Variants in CENPO observed in about 807,000 individuals in gnomAD.
CENPO encodes centromeric protein O.
Under a neutral mutation model 36.1 loss-of-function variants are expected in CENPO, and 30 were observed. That is an observed-to-expected ratio of 0.83 (90% CI 0.62 to 1.13). CENPO has a LOEUF of 1.13. CENPO is among the 50% of genes most tolerant of loss of function. The pLI is 0.00. For synonymous variants in CENPO, 171 were observed against 142.3 expected (o/e 1.20, Z -1.44); for missense variants, 349 against 357.8 (o/e 0.98, Z 0.20).
At chr2:24,818,138 T>G (rs74639823) in intron 7 of CENPO, among the ~76,000 whole-genome samples, 8,308 of 114,100 alleles carry the variant, frequency 0.073, 303 homozygotes, top group Non-Finnish European at 0.095. Flanking sequence ...TGGAAAAATA[T>G]CAAATTATTG....
chr2:24,808,488 C>T (rs764014021), intron 3 of CENPO, among the ~76,000 whole-genome samples: 40 of 152,236 alleles, frequency 2.6e-4, no homozygotes, highest in African/African-American at 8.2e-4. Flanking sequence ...AGGCGTGAGC[C>T]GCCGTGCCTG....
chr2:24,799,827 C>T lies in CENPO; in HGVS notation c.199C>T (p.Arg67Trp), dbSNP rs752482259. ...RLRDELRAVV[R>W]HRRASVKACI... is the part of the protein sequence containing the mutation. ...GCGAGATGAGCTGAGGGCTGTGGTGCGGCACCGGCGAGCCAGCGTGAGTAG... is the reference window on the plus strand; with the variant it reads ...GCGAGATGAGCTGAGGGCTGTGGTGTGGCACCGGCGAGCCAGCGTGAGTAG... The change falls in exon 3 of 8, where the codon CGG (arginine) becomes TGG (tryptophan). Residue 67 changes from arginine to tryptophan, a missense_variant. Arg to Trp is a moderately radical substitution (Grantham distance 101). Transcript: ENST00000380834. 32 of 1,612,990 alleles carry T rather than the reference C, an allele frequency of 2.0e-5. No homozygotes were observed. The highest frequency in any genetic ancestry group is 4.0e-5 in the African/African-American group (3 of 74,876).
At chr2:24,810,664 T>G (rs1451909253) in intron 3 of CENPO, among the ~76,000 whole-genome samples, 1 of 151,830 alleles carries the variant, frequency 6.6e-6, no homozygotes, top group Non-Finnish European at 1.5e-5. Context: ...CTCGCCACCA[T>G]GCTCAGCTAA....
chr2:24,817,216 C>T (rs752942026), intron 6 of CENPO, among the ~76,000 whole-genome samples: 2 of 152,224 alleles, frequency 1.3e-5, no homozygotes, highest in Admixed American at 6.5e-5. Context: ...ACACTTACTC[C>T]TCCCTACGGA....
chr2:24,802,909 G>T (rs200844329), intron 3 of CENPO, among the ~76,000 whole-genome samples: 12 of 150,984 alleles, frequency 7.9e-5, no homozygotes, highest in African/African-American at 9.8e-5. Context: ...AATGGTACCA[G>T]CTCCTCCTTG....
rs895749670 is a variant in CENPO at position 24,821,076 on chromosome 2, C to T, written c.*1758C>T. On this transcript the variant is annotated 3_prime_UTR_variant, in exon 8 of 8. Transcript: ENST00000380834. ...CCCCCCCATATGCAGATTTACTCGG[C>T]ATGGTAGTGGCCAGCTTCTAACACA... is the stretch of plus-strand genomic sequence containing the variant. 1.4e-5 allele frequency: 8 copies of T among 581,554 alleles called. No homozygotes were observed. Among genetic ancestry groups the T allele is most frequent in the Admixed American group, 3.3e-5 (1 of 30,020 alleles). 36.0% of individuals were successfully genotyped at this position (581,554 alleles called of 1,614,324 possible). A position where few individuals can be genotyped will look rare whatever the true frequency, so the allele number is the denominator to read the frequency against.
chr2:24,807,655 A>G (rs1490966512), intron 3 of CENPO, among the ~76,000 whole-genome samples: 1 of 152,234 alleles, frequency 6.6e-6, no homozygotes, highest in Non-Finnish European at 1.5e-5. Context: ...TATTGGGTAT[A>G]TGCCTAGTAG....
intron 3 of CENPO, among the ~76,000 whole-genome samples, chr2:24,813,436 G>T (rs570079512): frequency 8.5e-5 from 13 of 152,082 alleles, no homozygotes; most frequent in Admixed American, 7.9e-4. Flanking sequence ...GAAAGTTTGG[G>T]AGTGTGTTGG....
chr2:24,795,656 T>C (rs1298773336), intron 2 of CENPO, among the ~76,000 whole-genome samples: 5 of 152,336 alleles, frequency 3.3e-5, no homozygotes, highest in African/African-American at 1.2e-4. Context: ...TATTGATATC[T>C]ACTGTTTTAG....
intron 3 of CENPO, among the ~76,000 whole-genome samples, chr2:24,810,990 C>T (rs1009851914): frequency 1.3e-5 from 2 of 151,982 alleles, no homozygotes; most frequent in Non-Finnish European, 2.9e-5. Context: ...GTCGCCCAGG[C>T]TGGAGTGCAG....
intron 2 of CENPO, among the ~76,000 whole-genome samples, chr2:24,794,825 C>T (rs1031511199): frequency 1.3e-5 from 2 of 152,168 alleles, no homozygotes; most frequent in African/African-American, 4.8e-5. Context: ...AAGCCTGATG[C>T]CTAAATCCAA....
At position 24,819,981 on chromosome 2, in the gene CENPO, G is replaced by C. The variant is rs759492188; in HGVS notation, c.*663G>C. On this transcript the variant is annotated 3_prime_UTR_variant, in exon 8 of 8. Transcript: ENST00000380834. ...GGGCAGTGTGACAGAGGGGCCATTG[G>C]GGAAGGTGGCTAGCTTATCCCGCCC... 3 of 1,613,734 alleles carry C rather than the reference G, an allele frequency of 1.9e-6. No homozygotes were observed. In the South Asian group the frequency reaches 3.3e-5, roughly 18 times the overall value.
intron 5 of CENPO, chr2:24,816,111 T>A (rs140822897): frequency 3.3e-4 from 86 of 263,998 alleles, no homozygotes; most frequent in African/African-American, 1.7e-3. Context: ...TGGGTATAGA[T>A]CTCATTAGAG....
chr2:24,806,042 C>G (rs1331347151), intron 3 of CENPO, among the ~76,000 whole-genome samples: 2 of 152,218 alleles, frequency 1.3e-5, no homozygotes, highest in African/African-American at 4.8e-5. Context: ...CCTCCCCCAG[C>G]CTTGCTGCTG....
rs1366007551 is a variant in CENPO, at chr2:24,815,568, G to T, written c.406G>T (p.Asp136Tyr). 9 of 1,613,814 alleles carry T rather than the reference G, an allele frequency of 5.6e-6. No homozygotes were observed. Among genetic ancestry groups the T allele is most frequent in the South Asian group, 1.1e-5 (1 of 91,066 alleles). The change falls in exon 5 of 8, where the codon GAT becomes TAT. Residue 136 changes from aspartate (D) to tyrosine (Y), a missense_variant. By Grantham distance (160) the Asp-to-Tyr change is radical (BLOSUM62 -3). Transcript: ENST00000380834. ...ISTAFEGNLL[D>Y]SYFVDLVIQK... is the part of the protein sequence containing the mutation. Reference sequence around the variant, plus strand: ...TACTGCTTTTGAGGGGAACCTATTGGATTCCTATTTTGTGGACCTTGTCAT... The same window carrying T: ...TACTGCTTTTGAGGGGAACCTATTGTATTCCTATTTTGTGGACCTTGTCAT...
At position 24,817,534 on chromosome 2, in the gene CENPO, T is replaced by G. The variant is rs1314882699; in HGVS notation, c.767-136T>G. On this transcript the variant is annotated intron_variant, in intron 6 of 7. Coordinates refer to ENST00000380834, the MANE Select transcript of CENPO (RefSeq NM_001322101.2). ...TGATCCAGGTTCCGATTCCCCCAGC[T>G]GCACTGAGTGAGATTGAATGTCAGT... The G allele has an allele frequency of 9.8e-6, 11 of 1,120,694 alleles. No homozygotes were observed. The East Asian group carries it at 3.0e-4, about 30-fold the overall frequency. The allele number at this position is 1,120,694 out of a possible 1,614,324, so 69.4% of individuals were successfully genotyped here. A position where few individuals can be genotyped will look rare whatever the true frequency, so the allele number is the denominator to read the frequency against.
At chr2:24,814,555 G>T in intron 4 of CENPO, 62 bp downstream of exon 4, 1 of 807,574 alleles carries the variant, frequency 1.2e-6, no homozygotes, top group Non-Finnish European at 2.2e-6. Context: ...TAGTTTGCTA[G>T]ATGTGTTATC....
At position 24,793,552 on chromosome 2, in the gene CENPO, G is replaced by A. The variant is rs562197823; in HGVS notation, c.-69+51G>A. On this transcript the variant is annotated intron_variant, in intron 1 of 7. Transcript: ENST00000380834. ...GAAAGACCCATTGTCGGACCGGACC[G>A]TGGCCAGGGTGGCGGGCTGAACGGC... 2.2e-5 allele frequency: 34 copies of A among 1,515,508 alleles called. No homozygotes were observed. The East Asian group carries it at 5.1e-4, about 23-fold the overall frequency. The allele number at this position is 1,515,508 out of a possible 1,614,324, so 93.9% of individuals were successfully genotyped here. A position where few individuals can be genotyped will look rare whatever the true frequency, so the allele number is the denominator to read the frequency against.
intron 3 of CENPO, among the ~76,000 whole-genome samples, chr2:24,803,219 T>C (rs1211262438): frequency 6.6e-6 from 1 of 151,050 alleles, no homozygotes; most frequent in Non-Finnish European, 1.5e-5. Flanking sequence ...TCTTCTCTCT[T>C]TTCTTCTTTA....
Sources: gnomAD v4.1 joint callset for allele counts (sites outside exome capture counted in the v4.1 genomes callset) on GRCh38, gnomAD v4.1.1 for gene constraint, MANE v1.5 for transcripts, NCBI Gene and HGNC (gene_info 2026-07-23, HGNC 2026-07-21) for gene names.